Variants in SCN8A observed in about 807,000 individuals in gnomAD.
The protein encoded by SCN8A is sodium channel protein type 8 subunit alpha.
Under a neutral mutation model 184.1 loss-of-function variants are expected in SCN8A, and 30 were observed. The observed-to-expected ratio is 0.16, with a 90% CI of 0.12 to 0.22. SCN8A has a LOEUF of 0.22. SCN8A is among the 10% of genes least tolerant of loss of function. The pLI is 1.00. For synonymous variants in SCN8A, 852 were observed against 907.0 expected, an observed-to-expected ratio of 0.94 and a Z score of 1.09; for missense variants, 1,057 against 2,498.9, an observed-to-expected ratio of 0.42 and a Z score of 12.30.
intron 1 of SCN8A, among the ~76,000 whole-genome samples, chr12:51,601,478 A>G (rs1190473041): frequency 6.6e-6 from 1 of 150,524 alleles, no homozygotes; most frequent in Non-Finnish European, 1.5e-5. Flanking sequence ...AGGAAACTTC[A>G]CCCATAAGTG....
chr12:51,662,193 TTGA>T (rs1940938126), intron 1 of SCN8A, among the ~76,000 whole-genome samples: 1 of 152,264 alleles, frequency 6.6e-6, no homozygotes, highest in Non-Finnish European at 1.5e-5. Flanking sequence ...TTTACACAAC[TTGA>T]TGATTGAAAA....
At chr12:51,756,860 T>G (rs1352963004) in intron 14 of SCN8A, among the ~76,000 whole-genome samples, 1 of 152,250 alleles carries the variant, frequency 6.6e-6, no homozygotes, top group Non-Finnish European at 1.5e-5. Flanking sequence ...AGCTAGGGTT[T>G]AATCTGACAT....
At chr12:51,674,482 G>A (rs1291481514) in intron 2 of SCN8A, among the ~76,000 whole-genome samples, 5 of 152,204 alleles carry the variant, frequency 3.3e-5, no homozygotes, top group Admixed American at 6.5e-5. Flanking sequence ...ACAGGTGCAC[G>A]CCACCACGCC....
At chr12:51,676,002 C>T (rs930155176) in intron 2 of SCN8A, among the ~76,000 whole-genome samples, 3 of 152,070 alleles carry the variant, frequency 2.0e-5, no homozygotes, top group Non-Finnish European at 4.4e-5. Context: ...GTAAAATTAT[C>T]GGTTACTAAG....
Position 51,769,011 on chromosome 12 carries a change from C to T in SCN8A, c.3048C>T (p.His1016=), listed in dbSNP as rs777076650. ...KGVAWTKLKV[H]AFMQAHFKQR... The stretch of plus-strand genomic sequence containing the variant: ...TGGCCTGGACCAAACTAAAGGTGCA[C>T]GCCTTCATGCAGGCCCACTTTAAGC... Residue 1016 remains histidine, a synonymous_variant, in exon 17 of 27, where the codon CAC becomes CAT. Coordinates refer to ENST00000627620, the MANE Select transcript of SCN8A (RefSeq NM_001330260.2). 14 of 1,613,866 alleles carry T rather than the reference C, an allele frequency of 8.7e-6. No individual in the cohort carries two copies. The highest frequency in any genetic ancestry group is 7.7e-5 in the South Asian group (7 of 91,078).
chr12:51,755,249 AT>A (rs1942656523), intron 14 of SCN8A, among the ~76,000 whole-genome samples: 2 of 152,174 alleles, frequency 1.3e-5, no homozygotes, highest in African/African-American at 4.8e-5. Context: ...GTTCATTCAG[AT>A]TTTGATTTCT....
At chr12:51,644,882 G>C (rs1452805374) in intron 1 of SCN8A, among the ~76,000 whole-genome samples, 2 of 151,460 alleles carry the variant, frequency 1.3e-5, no homozygotes, top group African/African-American at 4.9e-5. Flanking sequence ...CCTCTGCCTG[G>C]CAACCGCCCC....
At chr12:51,633,619 C>T (rs1940248807) in intron 1 of SCN8A, among the ~76,000 whole-genome samples, 1 of 152,168 alleles carries the variant, frequency 6.6e-6, no homozygotes, top group Admixed American at 6.6e-5. Flanking sequence ...ATGGATGCCT[C>T]AGCACTTCCT....
At chr12:51,784,127 A>C (rs1342717293) in intron 21 of SCN8A, among the ~76,000 whole-genome samples, 3 of 152,242 alleles carry the variant, frequency 2.0e-5, no homozygotes. Context: ...AAGAAATATG[A>C]TCTCTTGCCC....
chr12:51,775,862 C>T (rs1229484598), intron 20 of SCN8A, among the ~76,000 whole-genome samples: 1 of 152,194 alleles, frequency 6.6e-6, no homozygotes, highest in Non-Finnish European at 1.5e-5. Context: ...CCATGACCTA[C>T]CCTCACCAGA....
intron 9 of SCN8A, among the ~76,000 whole-genome samples, chr12:51,704,296 C>T (rs1941741388): frequency 6.6e-6 from 1 of 152,134 alleles, no homozygotes; most frequent in African/African-American, 2.4e-5. Flanking sequence ...TAACCTCCCC[C>T]ACTATCCTTT....
In SCN8A at chr12:51,712,320, C is replaced by T. The variant is rs1304586212; in HGVS notation, c.1635+5605C>T. 3 of 573,138 alleles carry T rather than the reference C, an allele frequency of 5.2e-6. No individual in the cohort carries two copies. The East Asian group carries it at 8.9e-5, about 17-fold the overall frequency. 35.5% of individuals were successfully genotyped at this position (573,138 alleles called of 1,614,324 possible). A position where few individuals can be genotyped will look rare whatever the true frequency, so the allele number is the denominator to read the frequency against. On this transcript the variant is annotated intron_variant, in intron 11 of 26. Transcript: ENST00000627620. ...GTTTAAGCTGCAGTAACTTTTCTGA[C>T]TATGGATCATCCTTCCTTCTGTGGC...
intron 10 of SCN8A, 49 bp downstream of exon 10, chr12:51,705,672 C>G: frequency 3.3e-6 from 5 of 1,503,988 alleles, no homozygotes; most frequent in Non-Finnish European, 4.5e-6. Context: ...ATCATGGTGA[C>G]TAAGACCCCA....
chr12:51,667,776 A>G lies in SCN8A; in HGVS notation c.276+4683A>G, dbSNP rs373788954. Among the ~76,000 whole-genome samples the G allele has an allele frequency of 5.3e-5, 8 of 152,298 alleles. No individual in the cohort carries two copies. The South Asian group carries it at 6.2e-4, about 12-fold the overall frequency. On this transcript the variant is annotated intron_variant, in intron 2 of 26. Coordinates refer to ENST00000627620, the MANE Select transcript of SCN8A (RefSeq NM_001330260.2). ...TAATTTCTTAGAACTGACAGTTGAT[A>G]TATGTGTCTTTTTTGTTTAATGGGT...
chr12:51,668,242 C>T (rs1941070909), intron 2 of SCN8A, among the ~76,000 whole-genome samples: 1 of 151,720 alleles, frequency 6.6e-6, no homozygotes, highest in Admixed American at 6.6e-5. Flanking sequence ...TTCAACTTTT[C>T]AGGTGTACCT....
At chr12:51,763,650 A>G (rs147301233) in intron 15 of SCN8A, among the ~76,000 whole-genome samples, 166 of 152,328 alleles carry the variant, frequency 1.1e-3, no homozygotes, top group South Asian at 1.9e-3. Flanking sequence ...ACTTAAAATG[A>G]CTCTGAAAGA....
chr12:51,766,127 G>A (rs1023709158), intron 16 of SCN8A, 100 bp downstream of exon 16: 14 of 919,852 alleles, frequency 1.5e-5, no homozygotes, highest in East Asian at 9.6e-5. Context: ...TCTACTACCC[G>A]TCATGTTTGT....
chr12:51,811,840 C>G lies in SCN8A; in HGVS notation c.*4411C>G, dbSNP rs968496834. 5.2e-5 allele frequency: 8 copies of G among 152,468 alleles called. No homozygotes were observed. Among genetic ancestry groups the G allele is most frequent in the African/African-American group, 1.7e-4 (7 of 41,574 alleles). The allele number at this position is 152,468 out of a possible 1,614,324, so 9.4% of individuals were successfully genotyped here. ...TCCAGGCCTGCTGTGGAGGTGAGAT[C>G]GCCATGGGTCATGACTTTGTGACTT... is the stretch of plus-strand genomic sequence containing the variant. On this transcript the variant is annotated 3_prime_UTR_variant, in exon 27 of 27. Transcript: ENST00000627620.
chr12:51,673,283 A>G (rs920878264), intron 2 of SCN8A, among the ~76,000 whole-genome samples: 1 of 152,218 alleles, frequency 6.6e-6, no homozygotes, highest in African/African-American at 2.4e-5. Flanking sequence ...TTTAAAATTT[A>G]CTGATGTGCA....
Sources: allele counts gnomAD v4.1 joint callset (sites outside exome capture counted in the v4.1 genomes callset), GRCh38; gene constraint gnomAD v4.1.1; transcripts MANE v1.5; gene names NCBI Gene and HGNC (gene_info 2026-07-23, HGNC 2026-07-21).